The following CLHC1 variants were observed in gnomAD, a reference collection of about 807,000 sequenced individuals.
CLHC1 encodes the protein clathrin heavy chain linker domain containing 1, also known as clathrin heavy chain linker domain-containing protein 1.
A neutral mutation model predicts 69.5 loss-of-function variants in CLHC1; 72 were observed. The observed-to-expected ratio is 1.04, with a 90% CI of 0.86 to 1.26. The LOEUF is 1.26. Among genes scored for constraint, CLHC1 ranks in the 50% most tolerant of loss-of-function variants. The pLI, the probability that CLHC1 is intolerant of heterozygous loss-of-function variation, is 0.00. For missense variants in CLHC1, 790 were observed against 679.3 expected (o/e 1.16, Z -1.81); for synonymous variants, 223 against 224.3 (o/e 0.99, Z 0.05).
At chr2:55,223,691 C>T (rs1674398098) in intron 2 of CLHC1, among the ~76,000 whole-genome samples, 1 of 152,256 alleles carries the variant, frequency 6.6e-6, no homozygotes, top group South Asian at 2.1e-4. Flanking sequence ...GCTCAGCGGT[C>T]CCTGCTCACA....
intron 9 of CLHC1, among the ~76,000 whole-genome samples, chr2:55,193,823 A>T (rs1671152100): frequency 6.6e-6 from 1 of 152,224 alleles, no homozygotes. Flanking sequence ...CTTGTATACA[A>T]ATGTTCATAG....
chr2:55,225,296 G>A (rs1674586100), intron 2 of CLHC1: 2 of 152,404 alleles, frequency 1.3e-5, no homozygotes, highest in African/African-American at 2.4e-5. Flanking sequence ...GCTGCCTTCT[G>A]GAGCCAATCT....
intron 9 of CLHC1, 88 bp downstream of exon 9, chr2:55,206,182 A>T: frequency 2.7e-6 from 2 of 733,930 alleles, no homozygotes; most frequent in Non-Finnish European, 4.6e-6. Context: ...CTAGATCTTT[A>T]GTCTCCCAGT....
chr2:55,229,872 C>G (rs11125560), intron 1 of CLHC1, among the ~76,000 whole-genome samples: 148,585 of 152,328 alleles, frequency 0.98, 72,510 homozygotes, highest in African/African-American at 0.99. Flanking sequence ...TCGGGAGTTC[C>G]AGACCAGCCT....
chr2:55,202,915 A>T lies in CLHC1; in HGVS notation c.1006+3355T>A, dbSNP rs111501380. Among the ~76,000 whole-genome samples, 3 of 149,412 alleles carry T rather than the reference A, an allele frequency of 2.0e-5. No individual in the cohort carries two copies. In the South Asian group the frequency reaches 6.3e-4, roughly 32 times the overall value. ...CTCATCTCAAAAAAAAAAAAAAAAA[A>T]CTATTAGAACTGATAAACTCAGTGA... On this transcript the variant is annotated intron_variant, in intron 9 of 12. Coordinates refer to ENST00000401408, the MANE Select transcript of CLHC1 (RefSeq NM_152385.4).
intron 9 of CLHC1, among the ~76,000 whole-genome samples, chr2:55,203,840 C>T (rs1672188989): frequency 6.6e-6 from 1 of 152,080 alleles, no homozygotes; most frequent in African/African-American, 2.4e-5. Flanking sequence ...AGCTTCTGCA[C>T]AGAAAGGATA....
intron 9 of CLHC1, among the ~76,000 whole-genome samples, chr2:55,202,797 G>T (rs753226471): frequency 3.3e-5 from 5 of 151,310 alleles, no homozygotes; most frequent in Non-Finnish European, 5.9e-5. Context: ...GACTCGGGAG[G>T]CTGAGGCAGG....
At position 55,176,720 on chromosome 2, in the gene CLHC1, T is replaced by C. The variant is rs570649768; in HGVS notation, c.1565-734A>G. Reference sequence around the variant, plus strand: ...TATAATTTTATTTCTACCATAATTATTATTTTTATATGAAAATATTTTAGT... The same window carrying C: ...TATAATTTTATTTCTACCATAATTACTATTTTTATATGAAAATATTTTAGT... On this transcript the variant is annotated intron_variant, in intron 12 of 12. Transcript: ENST00000401408. Among the ~76,000 whole-genome samples, 397 of 152,320 alleles carry C rather than the reference T, an allele frequency of 2.6e-3. 2 individuals carry two copies. The highest frequency in any genetic ancestry group is 9.2e-3 in the African/African-American group (384 of 41,576).
chr2:55,190,559 A>G (rs1353961878), intron 9 of CLHC1, among the ~76,000 whole-genome samples: 2 of 152,216 alleles, frequency 1.3e-5, no homozygotes, highest in African/African-American at 4.8e-5. Context: ...GCTATATAAG[A>G]GAAACTCAAA....
At chr2:55,224,831 G>C (rs963628192) in intron 2 of CLHC1, 4 of 303,006 alleles carry the variant, frequency 1.3e-5, no homozygotes, top group African/African-American at 9.0e-5. Flanking sequence ...AGCCAGCCCG[G>C]TTCTCGGACA....
At chr2:55,182,422 T>C (rs185114904) in intron 9 of CLHC1, among the ~76,000 whole-genome samples, 47 of 152,344 alleles carry the variant, frequency 3.1e-4, no homozygotes, top group Non-Finnish European at 5.9e-4. Flanking sequence ...ATTCATTTTT[T>C]ATTAAGCTGT....
At chr2:55,224,685 G>T in intron 2 of CLHC1, 1 of 243,144 alleles carries the variant, frequency 4.1e-6, no homozygotes, top group South Asian at 5.1e-5. Flanking sequence ...GAGAAGCTGA[G>T]AAAGGAAGAC....
intron 1 of CLHC1, among the ~76,000 whole-genome samples, 183 bp from the exon 2 acceptor site, chr2:55,228,387 C>G (rs1674921516): frequency 6.6e-6 from 1 of 152,206 alleles, no homozygotes; most frequent in Non-Finnish European, 1.5e-5. Flanking sequence ...ACTTGTGGTG[C>G]TCTCAAACCA....
At chr2:55,226,437 G>C (rs1466206820) in intron 2 of CLHC1, among the ~76,000 whole-genome samples, 1 of 151,980 alleles carries the variant, frequency 6.6e-6, no homozygotes, top group African/African-American at 2.4e-5. Flanking sequence ...TTAATATTTT[G>C]GAATATTTCC....
chr2:55,202,556 CAA>C (rs1273533719), intron 9 of CLHC1, among the ~76,000 whole-genome samples: 18 of 74,578 alleles, frequency 2.4e-4, no homozygotes, highest in Non-Finnish European at 2.2e-4. Context: ...GACTCTGTCT[CAA>C]AAAAAAAAAA....
At position 55,209,775 on chromosome 2, in the gene CLHC1, G is replaced by A; in HGVS notation, c.556C>T (p.Leu186Phe). Reference protein sequence around the residue: ...LDALTKYMKHLEDKYAEIKQA... With the variant: ...LDALTKYMKHFEDKYAEIKQA... ...TTAATTTCTGCATATTTATCTTCAA[G>A]ATGTTTCATGTATTTAGTGAGAGCA... The change falls in exon 6 of 13, where the codon CTT (leucine) becomes TTT (phenylalanine). Residue 186 changes from leucine (L) to phenylalanine (F), a missense_variant. Coordinates refer to ENST00000401408, the MANE Select transcript of CLHC1 (RefSeq NM_152385.4). 1 of 1,611,358 alleles carries A rather than the reference G, an allele frequency of 6.2e-7. No homozygotes were observed. Among genetic ancestry groups the A allele is most frequent in the Non-Finnish European group, 8.5e-7 (1 of 1,178,130 alleles).
intron 9 of CLHC1, among the ~76,000 whole-genome samples, chr2:55,192,018 T>C (rs1374071984): frequency 6.6e-6 from 1 of 151,854 alleles, no homozygotes; most frequent in East Asian, 1.9e-4. Context: ...ACTCTAAAAA[T>C]AAATAAATAA....
At chr2:55,219,937 T>C (rs1489550755) in intron 3 of CLHC1, among the ~76,000 whole-genome samples, 2 of 152,212 alleles carry the variant, frequency 1.3e-5, no homozygotes, top group African/African-American at 2.4e-5. Flanking sequence ...AGTGTTGCTA[T>C]GTTGCCCAGG....
At chr2:55,189,638 A>G (rs2103765680) in intron 9 of CLHC1, among the ~76,000 whole-genome samples, 1 of 152,300 alleles carries the variant, frequency 6.6e-6, no homozygotes, top group South Asian at 2.1e-4. Flanking sequence ...CAATGCATAT[A>G]AAGATCATAG....
Sources: allele counts gnomAD v4.1 joint callset (sites outside exome capture counted in the v4.1 genomes callset), GRCh38; gene constraint gnomAD v4.1.1; transcripts MANE v1.5; gene names NCBI Gene and HGNC (gene_info 2026-07-23, HGNC 2026-07-21).